EPYC: variants seen among roughly 807,000 people sequenced by gnomAD.
EPYC encodes the protein dermatan sulfate proteoglycan 3.
Under a neutral mutation model 30.1 loss-of-function variants are expected in EPYC, and 28 were observed. The observed-to-expected ratio is 0.93, with a 90% confidence interval of 0.69 to 1.28. EPYC has a LOEUF of 1.28. Among genes scored for constraint, EPYC ranks in the 50% most tolerant of loss-of-function variants. The pLI, the probability that EPYC is intolerant of heterozygous loss-of-function variation, is 0.00. For synonymous variants in EPYC, 144 were observed against 141.4 expected, an observed-to-expected ratio of 1.02 and a Z score of -0.13; for missense variants, 382 against 383.5, an observed-to-expected ratio of 1.00 and a Z score of 0.03.
chr12:90,970,004 CTCTG>C, intron 6 of EPYC, 36 bp downstream of exon 6: 1 of 1,484,846 alleles, frequency 6.7e-7, no homozygotes, highest in South Asian at 1.1e-5. Flanking sequence ...GCTTTGCTTT[CTCTG>C]AAGCCCTTGG....
chr12:91,003,041 G>A (rs2120880396), intron 1 of EPYC, among the ~76,000 whole-genome samples: 1 of 152,162 alleles, frequency 6.6e-6, no homozygotes, highest in South Asian at 2.1e-4. Context: ...ATGCAACTAG[G>A]ATATCCACAA....
At chr12:90,978,766 T>C (rs1020972287) in intron 2 of EPYC, among the ~76,000 whole-genome samples, 3 of 152,132 alleles carry the variant, frequency 2.0e-5, no homozygotes, top group African/African-American at 7.2e-5. Context: ...GGTTCAAATA[T>C]TCTGTTCCTT....
chr12:90,997,607 CT>C (rs1395040666), intron 2 of EPYC, among the ~76,000 whole-genome samples: 1 of 152,058 alleles, frequency 6.6e-6, no homozygotes, highest in Non-Finnish European at 1.5e-5. Context: ...AGAATATCAA[CT>C]TTTGAACAAT....
At chr12:90,983,963 TC>T (rs1203413918) in intron 2 of EPYC, among the ~76,000 whole-genome samples, 1 of 152,070 alleles carries the variant, frequency 6.6e-6, no homozygotes, top group Non-Finnish European at 1.5e-5. Context: ...CAAAAGCTAT[TC>T]CTAAAGCTAG....
chr12:90,990,125 G>A (rs1176610736), intron 2 of EPYC, among the ~76,000 whole-genome samples: 4 of 152,002 alleles, frequency 2.6e-5, no homozygotes, highest in South Asian at 2.1e-4. Context: ...GACTGAAAAC[G>A]AAGATATTTG....
intron 2 of EPYC, among the ~76,000 whole-genome samples, chr12:90,986,623 G>A (rs1877454242): frequency 6.6e-6 from 1 of 152,092 alleles, no homozygotes; most frequent in Non-Finnish European, 1.5e-5. Flanking sequence ...GTTGGAAGAT[G>A]AGAGAGCACA....
intron 2 of EPYC, among the ~76,000 whole-genome samples, chr12:90,996,737 T>C (rs965068845): frequency 3.9e-5 from 6 of 152,000 alleles, no homozygotes; most frequent in Non-Finnish European, 8.8e-5. Flanking sequence ...TTAAGATCAC[T>C]GGAGGGTAAT....
Position 90,964,263 on chromosome 12 carries a change from G to A in EPYC, c.862C>T (p.Arg288Cys), listed in dbSNP as rs754135032. The A allele has an allele frequency of 4.3e-6, 7 of 1,612,794 alleles. No homozygotes were observed. The highest frequency in any genetic ancestry group is 4.5e-5 in the East Asian group (2 of 44,832). ...FCNVKNLTYI[R>C]KALEDIRLDG... is the part of the protein sequence containing the mutation. Reference sequence around the variant, plus strand: ...AATCGAATGTCCTCTAGTGCCTTACGAATATAAGTCAAATTTTTAACATTG... The same window carrying A: ...AATCGAATGTCCTCTAGTGCCTTACAAATATAAGTCAAATTTTTAACATTG... The change falls in exon 7 of 7, where the codon CGT becomes TGT. Residue 288 changes from arginine (R) to cysteine (C), a missense_variant. Coordinates refer to ENST00000261172, the MANE Select transcript of EPYC (RefSeq NM_004950.5).
intron 2 of EPYC, among the ~76,000 whole-genome samples, chr12:90,994,803 A>G (rs1294598661): frequency 6.6e-6 from 1 of 152,120 alleles, no homozygotes; most frequent in Non-Finnish European, 1.5e-5. Flanking sequence ...TAAAAATAAA[A>G]CGCATTTGAA....
At chr12:90,989,212 G>A (rs1360090261) in intron 2 of EPYC, among the ~76,000 whole-genome samples, 1 of 151,868 alleles carries the variant, frequency 6.6e-6, no homozygotes, top group Non-Finnish European at 1.5e-5. Context: ...AAAAATAAAA[G>A]CATATTTTTG....
chr12:90,983,536 C>A (rs1406281017), intron 2 of EPYC, among the ~76,000 whole-genome samples: 1 of 152,116 alleles, frequency 6.6e-6, no homozygotes, highest in Non-Finnish European at 1.5e-5. Flanking sequence ...TTTTCTTATA[C>A]TTCCGGGCTG....
rs751187185 is a variant in EPYC, at chr12:91,002,449, G to A, written c.117C>T (p.Asp39=). Residue 39 remains aspartate, a synonymous_variant, in exon 2 of 7, where the codon GAC becomes GAT. Coordinates refer to ENST00000261172, the MANE Select transcript of EPYC (RefSeq NM_004950.5). ...TTTCATAGTTGTACAAATTATCCAG[G>A]TCTTCTAAGGTGGCATCATAGGTTT... ...DSETYDATLE[D]LDNLYNYENI... 6.2e-7 allele frequency: 1 copy of A among 1,613,126 alleles called. No individual in the cohort carries two copies. Among genetic ancestry groups the A allele is most frequent in the South Asian group, 1.1e-5 (1 of 91,016 alleles).
chr12:90,972,046 G>T, intron 4 of EPYC, 44 bp from the exon 5 acceptor site: 7 of 1,190,142 alleles, frequency 5.9e-6, no homozygotes, highest in Non-Finnish European at 8.1e-6. Context: ...TTCTTGTTTT[G>T]CTCACATAAA....
At chr12:90,984,877 T>C (rs2120840702) in intron 2 of EPYC, among the ~76,000 whole-genome samples, 1 of 152,232 alleles carries the variant, frequency 6.6e-6, no homozygotes, top group East Asian at 1.9e-4. Context: ...CCCAGGTACA[T>C]GTTCCCCTCT....
At chr12:90,966,579 T>C (rs1362567549) in intron 6 of EPYC, among the ~76,000 whole-genome samples, 1 of 152,128 alleles carries the variant, frequency 6.6e-6, no homozygotes, top group Admixed American at 6.6e-5. Context: ...ATAAAGGATA[T>C]TGGCCTGTAG....
At chr12:90,992,309 C>T (rs1402492733) in intron 2 of EPYC, among the ~76,000 whole-genome samples, 2 of 152,126 alleles carry the variant, frequency 1.3e-5, no homozygotes, top group Non-Finnish European at 2.9e-5. Context: ...TCCTGACAGG[C>T]CTCACAGCTT....
At chr12:90,998,354 A>C (rs1350218311) in intron 2 of EPYC, among the ~76,000 whole-genome samples, 1 of 152,168 alleles carries the variant, frequency 6.6e-6, no homozygotes, top group African/African-American at 2.4e-5. Context: ...GGTAATATAT[A>C]GCACTCTGAT....
intron 6 of EPYC, among the ~76,000 whole-genome samples, chr12:90,968,539 T>G (rs749894513): frequency 8.5e-5 from 13 of 152,138 alleles, no homozygotes; most frequent in Non-Finnish European, 1.6e-4. Flanking sequence ...GAAGACAATG[T>G]AAGCTAAAAA....
intron 3 of EPYC, among the ~76,000 whole-genome samples, chr12:90,977,280 C>T (rs1877209162): frequency 6.6e-6 from 1 of 152,038 alleles, no homozygotes. Context: ...TCTTGAGTAC[C>T]CCCAAGGTTG....
Sources: allele counts gnomAD v4.1 joint callset (sites outside exome capture counted in the v4.1 genomes callset), GRCh38; gene constraint gnomAD v4.1.1; transcripts MANE v1.5; gene names NCBI Gene and HGNC (gene_info 2026-07-23, HGNC 2026-07-21).